AIM2: variants seen among roughly 807,000 people sequenced by gnomAD.
AIM2 encodes interferon-inducible protein AIM2.
A neutral mutation model predicts 27.7 loss-of-function variants in AIM2; 30 were observed. The observed-to-expected ratio is 1.08, with a 90% CI of 0.81 to 1.47. The LOEUF (loss-of-function observed/expected upper bound fraction) is 1.47. AIM2 is among the 40% of genes most tolerant of loss of function. The pLI is 0.00. For synonymous variants in AIM2, 141 were observed against 145.3 expected, an observed-to-expected ratio of 0.97 and a Z score of 0.21; for missense variants, 358 against 411.3, an observed-to-expected ratio of 0.87 and a Z score of 1.12.
chr1:159,112,641 T>G (rs941778038), intron 1 of AIM2, among the ~76,000 whole-genome samples: 3 of 152,188 alleles, frequency 2.0e-5, no homozygotes, highest in African/African-American at 7.2e-5. Context: ...CACAACAAAT[T>G]TCAAAAGAAT....
chr1:159,092,592 T>C (rs2102010077), intron 1 of AIM2, among the ~76,000 whole-genome samples: 1 of 152,304 alleles, frequency 6.6e-6, no homozygotes, highest in South Asian at 2.1e-4. Flanking sequence ...CCTCATGTCC[T>C]AAGTATTCTC....
intron 1 of AIM2, among the ~76,000 whole-genome samples, chr1:159,090,050 G>T (rs1239486968): frequency 6.6e-6 from 1 of 152,184 alleles, no homozygotes; most frequent in Non-Finnish European, 1.5e-5. Flanking sequence ...TCTATGAGGA[G>T]GTTCAAGGTC....
chr1:159,109,915 T>C (rs1280505593), intron 1 of AIM2, among the ~76,000 whole-genome samples: 2 of 152,178 alleles, frequency 1.3e-5, no homozygotes, highest in African/African-American at 4.8e-5. Flanking sequence ...TAGTAGATGT[T>C]GGCATGGAAG....
chr1:159,124,938 A>G (rs1267537698), intron 1 of AIM2, among the ~76,000 whole-genome samples: 1 of 152,206 alleles, frequency 6.6e-6, no homozygotes, highest in Non-Finnish European at 1.5e-5. Context: ...AACTGATTTT[A>G]TTATTTTTCC....
chr1:159,057,745 ATTTC>A (rs1369441386), downstream of AIM2, among the ~76,000 whole-genome samples: 1 of 152,182 alleles, frequency 6.6e-6, no homozygotes, highest in Non-Finnish European at 1.5e-5. Flanking sequence ...TTGAAACACA[ATTTC>A]TTTCTCTCTA....
chr1:159,142,930 A>T (rs996819207), upstream of AIM2, among the ~76,000 whole-genome samples: 1 of 152,062 alleles, frequency 6.6e-6, no homozygotes, highest in African/African-American at 2.4e-5. Flanking sequence ...CCCACTCCTC[A>T]TCAAAAGGTT....
chr1:159,067,925 A>G (rs768912926), intron 3 of AIM2, among the ~76,000 whole-genome samples: 2 of 151,786 alleles, frequency 1.3e-5, no homozygotes, highest in Non-Finnish European at 2.9e-5. Context: ...TCCAGCCACT[A>G]CTCTCTCAGC....
At chr1:159,083,731 A>G (rs1486004341) in intron 1 of AIM2, among the ~76,000 whole-genome samples, 2 of 152,234 alleles carry the variant, frequency 1.3e-5, no homozygotes, top group African/African-American at 4.8e-5. Flanking sequence ...ATGATAAAAT[A>G]TAATAATATT....
At chr1:159,093,625 T>C (rs1466893708) in intron 1 of AIM2, among the ~76,000 whole-genome samples, 2 of 152,026 alleles carry the variant, frequency 1.3e-5, no homozygotes, top group African/African-American at 2.4e-5. Flanking sequence ...GAAAATGAAC[T>C]GCAGTTATGA....
At chr1:159,117,334 T>C (rs767674162) in intron 1 of AIM2, among the ~76,000 whole-genome samples, 20 of 152,268 alleles carry the variant, frequency 1.3e-4, no homozygotes, top group Admixed American at 3.3e-4. Flanking sequence ...CAGAAAAACA[T>C]GTGCTCTGGA....
downstream of AIM2, among the ~76,000 whole-genome samples, chr1:159,057,964 C>G (rs1655713098): frequency 6.6e-6 from 1 of 152,138 alleles, no homozygotes; most frequent in South Asian, 2.1e-4. Flanking sequence ...AAGCCAAGCC[C>G]AGTCATGGGT....
chr1:159,111,612 T>C (rs189296998), intron 1 of AIM2, among the ~76,000 whole-genome samples: 87 of 152,006 alleles, frequency 5.7e-4, no homozygotes, highest in Admixed American at 1.0e-3. Context: ...AAAGAAAATA[T>C]ATATAAAGAT....
chr1:159,142,266 C>T (rs1048275596), upstream of AIM2, among the ~76,000 whole-genome samples: 1 of 152,214 alleles, frequency 6.6e-6, no homozygotes, highest in African/African-American at 2.4e-5. Flanking sequence ...CTGTATCTGT[C>T]AAGCCCAGGC....
chr1:159,068,731 A>C (rs1371901624), intron 2 of AIM2, 30 bp from the exon 3 acceptor site: 2 of 1,610,766 alleles, frequency 1.2e-6, no homozygotes, highest in Non-Finnish European at 1.7e-6. Flanking sequence ...CATGGCCAAT[A>C]AGCATATAAA....
At chr1:159,101,229 G>T (rs759101201) in intron 1 of AIM2, among the ~76,000 whole-genome samples, 55 of 152,202 alleles carry the variant, frequency 3.6e-4, no homozygotes, top group Non-Finnish European at 3.1e-4. Context: ...CCATGATATC[G>T]AGTGGGTTCT....
downstream of AIM2, among the ~76,000 whole-genome samples, chr1:159,061,410 T>C (rs932679027): frequency 1.3e-5 from 2 of 152,126 alleles, no homozygotes; most frequent in African/African-American, 4.8e-5. Context: ...TTTTGTTTTT[T>C]GAGACAGAGT....
At chr1:159,096,816 T>G (rs1657191238) in intron 1 of AIM2, among the ~76,000 whole-genome samples, 1 of 152,086 alleles carries the variant, frequency 6.6e-6, no homozygotes, top group Non-Finnish European at 1.5e-5. Context: ...AGAGGTAACT[T>G]TCATTCCCTG....
chr1:159,122,003 T>C (rs954121547), intron 1 of AIM2, among the ~76,000 whole-genome samples: 3 of 152,184 alleles, frequency 2.0e-5, no homozygotes, highest in Admixed American at 2.0e-4. Context: ...GTTGATTTCA[T>C]TATTCATTTG....
chr1:159,116,328 A>G (rs1191330331), intron 1 of AIM2, among the ~76,000 whole-genome samples: 2 of 152,220 alleles, frequency 1.3e-5, no homozygotes, highest in Non-Finnish European at 2.9e-5. Context: ...CAATCCCATT[A>G]CTGGGTATAT....
Sources: allele counts gnomAD v4.1 joint callset (sites outside exome capture counted in the v4.1 genomes callset), GRCh38; gene constraint gnomAD v4.1.1; transcripts MANE v1.5; gene names NCBI Gene and HGNC (gene_info 2026-07-23, HGNC 2026-07-21).